Variants in SNX4 observed in about 807,000 individuals in gnomAD.
The protein encoded by SNX4 is sorting nexin-4.
Under a neutral mutation model 70.8 loss-of-function variants are expected in SNX4, and 49 were observed. The ratio of observed to expected loss-of-function variants is 0.69; its 90% CI spans 0.55 to 0.88. SNX4 has a LOEUF of 0.88. Ranked by LOEUF, SNX4 falls within the 40% of genes least tolerant of loss-of-function variation. The probability of loss-of-function intolerance (pLI) is 0.00; values close to 1 mark genes in which losing one functional copy is unlikely to be tolerated. For missense variants in SNX4, 528 were observed against 544.8 expected (o/e 0.97, Z 0.31); for synonymous variants, 206 against 183.8 (o/e 1.12, Z -0.98).
At chr3:125,513,769 A>G (rs1935218259) in intron 1 of SNX4, among the ~76,000 whole-genome samples, 1 of 152,212 alleles carries the variant, frequency 6.6e-6, no homozygotes, top group East Asian at 1.9e-4. Flanking sequence ...TACACAGATC[A>G]GAGGTAGCTG....
intron 6 of SNX4, among the ~76,000 whole-genome samples, chr3:125,482,948 G>A (rs749172740): frequency 5.3e-5 from 8 of 152,124 alleles, no homozygotes; most frequent in South Asian, 2.1e-4. Context: ...GCATTTGTAG[G>A]ATAAAACTTT....
chr3:125,511,202 C>A (rs1361590690), intron 1 of SNX4, among the ~76,000 whole-genome samples: 1 of 152,228 alleles, frequency 6.6e-6, no homozygotes, highest in Non-Finnish European at 1.5e-5. Flanking sequence ...GCATGAGCCA[C>A]CGTGCCCAGT....
At chr3:125,463,860 A>G (rs1024316998) in intron 9 of SNX4, among the ~76,000 whole-genome samples, 6 of 152,120 alleles carry the variant, frequency 3.9e-5, no homozygotes, top group Admixed American at 3.3e-4. Context: ...TACTATGGTT[A>G]GAAATGTTTG....
rs763904166 is a variant in SNX4 at position 125,520,084 on chromosome 3, G to A, written c.89C>T (p.Ala30Val). 1.9e-6 allele frequency: 3 copies of A among 1,539,178 alleles called. No individual in the cohort carries two copies. The highest frequency in any genetic ancestry group is 1.2e-5 in the South Asian group (1 of 82,348). Reference protein sequence around the residue: ...LGSPDAGLGAAVGKEAEGAGE... With the variant: ...LGSPDAGLGAVVGKEAEGAGE... ...GGCCCCCTCCGCTTCCTTGCCGACCGCAGCCCCCAGCCCAGCGTCTGGGGA... is the reference window on the plus strand; with the variant it reads ...GGCCCCCTCCGCTTCCTTGCCGACCACAGCCCCCAGCCCAGCGTCTGGGGA... The change falls in exon 1 of 14, where the codon GCG becomes GTG. Residue 30 changes from alanine to valine, a missense_variant. By Grantham distance (64) the Ala-to-Val change is moderately conservative (BLOSUM62 0). Transcript: ENST00000251775.
chr3:125,477,135 A>G (rs1934305501), intron 7 of SNX4, among the ~76,000 whole-genome samples: 1 of 152,188 alleles, frequency 6.6e-6, no homozygotes, highest in Admixed American at 6.5e-5. Context: ...GGATTCAGTT[A>G]TTCTTAATTT....
chr3:125,508,828 T>G (rs1935104843), intron 1 of SNX4, among the ~76,000 whole-genome samples: 1 of 151,940 alleles, frequency 6.6e-6, no homozygotes, highest in African/African-American at 2.4e-5. Flanking sequence ...ACAAAAAAAA[T>G]AAATTGGACC....
intron 1 of SNX4, 62 bp downstream of exon 1, chr3:125,519,970 C>A: frequency 7.0e-7 from 1 of 1,423,830 alleles, no homozygotes; most frequent in Admixed American, 2.7e-5. Flanking sequence ...CCCAGCCCAG[C>A]CCAGCCCGGC....
At chr3:125,459,960 A>C (rs1015195238) in intron 10 of SNX4, among the ~76,000 whole-genome samples, 2 of 151,920 alleles carry the variant, frequency 1.3e-5, no homozygotes, top group African/African-American at 4.8e-5. Flanking sequence ...TGAGAGGCCG[A>C]GGCGGGTGGA....
intron 5 of SNX4, 49 bp from the exon 6 acceptor site, chr3:125,489,512 A>G: frequency 1.4e-6 from 2 of 1,449,418 alleles, no homozygotes; most frequent in Non-Finnish European, 1.9e-6. Flanking sequence ...TCAGGGTATA[A>G]AATTCAAACA....
chr3:125,463,040 T>C (rs902335063), intron 9 of SNX4, among the ~76,000 whole-genome samples: 1 of 152,250 alleles, frequency 6.6e-6, no homozygotes. Context: ...ATACAACAGG[T>C]ATCCTTCTTT....
chr3:125,473,036 T>C (rs928124357), intron 8 of SNX4, among the ~76,000 whole-genome samples: 2 of 152,144 alleles, frequency 1.3e-5, no homozygotes, highest in Non-Finnish European at 2.9e-5. Flanking sequence ...AATTCAACTT[T>C]TATTTTGGAC....
intron 11 of SNX4, among the ~76,000 whole-genome samples, chr3:125,456,709 G>A (rs1489112435): frequency 6.6e-6 from 1 of 152,222 alleles, no homozygotes; most frequent in African/African-American, 2.4e-5. Context: ...CACCCAGGCT[G>A]GAGTGCAGTG....
chr3:125,464,279 A>C (rs1186575096), intron 9 of SNX4, among the ~76,000 whole-genome samples: 4 of 152,164 alleles, frequency 2.6e-5, no homozygotes, highest in African/African-American at 7.2e-5. Context: ...ATCAAAATTT[A>C]AACAAAAATT....
chr3:125,506,817 T>TGAAAAAAAAAA (rs199752160), intron 1 of SNX4, among the ~76,000 whole-genome samples: 2 of 26,820 alleles, frequency 7.5e-5, no homozygotes, highest in African/African-American at 1.9e-4. Flanking sequence ...GTGGAGAAAG[T>TGAAAAAAAAAA]AAAAAAAAAA....
chr3:125,491,066 A>G (rs2107553551), intron 5 of SNX4, among the ~76,000 whole-genome samples: 1 of 152,326 alleles, frequency 6.6e-6, no homozygotes, highest in East Asian at 1.9e-4. Flanking sequence ...TCAGCCTCCT[A>G]GAACTCCAGA....
intron 2 of SNX4, among the ~76,000 whole-genome samples, chr3:125,502,778 C>T (rs1390107628): frequency 7.1e-6 from 1 of 140,780 alleles, no homozygotes; most frequent in African/African-American, 2.7e-5. Context: ...CACTTGAACT[C>T]GGGAGGCAGG....
At chr3:125,452,475 G>C (rs537388816) in intron 12 of SNX4, among the ~76,000 whole-genome samples, 1 of 152,146 alleles carries the variant, frequency 6.6e-6, no homozygotes, top group East Asian at 1.9e-4. Context: ...CCAGTGATTC[G>C]GGAGGCTGAG....
At position 125,479,719 on chromosome 3, in the gene SNX4, A is replaced by T. The variant is rs543573611; in HGVS notation, c.726+528T>A. ...CACAAGAGACCAGAGCGGATGGTAC[A>T]TTTTCCAGGTACATTAATTTACTGA... On this transcript the variant is annotated intron_variant, in intron 7 of 13. Coordinates refer to ENST00000251775, the MANE Select transcript of SNX4 (RefSeq NM_003794.4). Among the ~76,000 whole-genome samples the T allele has an allele frequency of 7.9e-5, 12 of 152,200 alleles. No individual in the cohort carries two copies. The East Asian group carries it at 1.7e-3, about 22-fold the overall frequency.
intron 13 of SNX4, among the ~76,000 whole-genome samples, chr3:125,450,207 AC>A (rs1933540150): frequency 6.6e-6 from 1 of 152,236 alleles, no homozygotes; most frequent in African/African-American, 2.4e-5. Context: ...AACATACTCA[AC>A]CTTTAGCACC....
Sources: allele counts gnomAD v4.1 joint callset (sites outside exome capture counted in the v4.1 genomes callset), GRCh38; gene constraint gnomAD v4.1.1; transcripts MANE v1.5; gene names NCBI Gene and HGNC (gene_info 2026-07-23, HGNC 2026-07-21).